The following ZNF483 variants were observed in gnomAD, a reference collection of about 807,000 sequenced individuals.
The protein encoded by ZNF483 is zinc finger protein HIT-10.
A neutral mutation model predicts 28.6 loss-of-function variants in ZNF483; 9 were observed. The observed-to-expected ratio is 0.32, with a 90% CI of 0.19 to 0.55. The LOEUF (loss-of-function observed/expected upper bound fraction) is 0.55, where lower values mean the gene tolerates loss of function less well. Among genes scored for constraint, ZNF483 ranks in the 20% least tolerant of loss-of-function variants. ZNF483 has a pLI of 0.93. For synonymous variants in ZNF483, 322 were observed against 306.2 expected, an observed-to-expected ratio of 1.05 and a Z score of -0.54; for missense variants, 675 against 871.7, an observed-to-expected ratio of 0.77 and a Z score of 2.84.
chr9:111,549,663 G>A lies in ZNF483; in HGVS notation c.*6493G>A. On this transcript the variant is annotated 3_prime_UTR_variant, in exon 6 of 6. Coordinates refer to ENST00000309235, the MANE Select transcript of ZNF483 (RefSeq NM_133464.5). ...GTGGTGGTGGTGGCAGCGGCAGCAG[G>A]GTTCCCCATTGATTTTCTAAATGTT... The A allele has an allele frequency of 2.8e-6, 4 of 1,443,196 alleles. No individual in the cohort carries two copies. Among genetic ancestry groups the A allele is most frequent in the Non-Finnish European group, 3.8e-6 (4 of 1,062,614 alleles). The allele number at this position is 1,443,196 out of a possible 1,614,324, so 89.4% of individuals were successfully genotyped here. A position where few individuals can be genotyped will look rare whatever the true frequency, so the allele number is the denominator to read the frequency against.
At chr9:111,574,474 G>A (rs780843236) in intron 5 of ZNF483, 6 of 197,244 alleles carry the variant, frequency 3.0e-5, no homozygotes, top group Non-Finnish European at 6.1e-5. Flanking sequence ...TCAGCCTCTT[G>A]AGTAGCTGGG....
intron 2 of ZNF483, among the ~76,000 whole-genome samples, chr9:111,530,252 G>C (rs1827287780): frequency 6.6e-6 from 1 of 152,180 alleles, no homozygotes; most frequent in African/African-American, 2.4e-5. Context: ...TTTCCAGATA[G>C]CTAACCACGT....
chr9:111,533,995 C>T (rs1403073148), intron 4 of ZNF483, 130 bp downstream of exon 4: 5 of 1,148,458 alleles, frequency 4.4e-6, no homozygotes, highest in African/African-American at 1.6e-5. Flanking sequence ...AGGACTAATC[C>T]TAAAAACTGG....
chr9:111,539,676 T>A, intron 5 of ZNF483: 1 of 220,524 alleles, frequency 4.5e-6, no homozygotes, highest in Non-Finnish European at 9.3e-6. Flanking sequence ...GGCAGGAGAA[T>A]CGCTTGAACC....
At chr9:111,526,255 G>C (rs1827183853) in intron 1 of ZNF483, among the ~76,000 whole-genome samples, 1 of 152,202 alleles carries the variant, frequency 6.6e-6, no homozygotes, top group South Asian at 2.1e-4. Flanking sequence ...AAGGCTAGGA[G>C]AGTATGTAGA....
At chr9:111,556,595 CACATAGAA>C (rs1414765466), downstream of ZNF483, among the ~76,000 whole-genome samples, 1 of 152,244 alleles carries the variant, frequency 6.6e-6, no homozygotes, top group African/African-American at 2.4e-5. Context: ...AGGCCAACAC[CACATAGAA>C]ACTGCCAAGG....
chr9:111,543,479 G>T lies in ZNF483; in HGVS notation c.*309G>T, dbSNP rs1334042619. 9.4e-7 allele frequency: 1 copy of T among 1,059,838 alleles called. No homozygotes were observed. Among genetic ancestry groups the T allele is most frequent in the Non-Finnish European group, 1.1e-6 (1 of 878,364 alleles). The allele number at this position is 1,059,838 out of a possible 1,614,324, so 65.7% of individuals were successfully genotyped here. Reference sequence around the variant, plus strand: ...CTACTACCATGTAGTGTGATGGAGAGAACTTGACTGCAGTCACATAACTTG... The same window carrying T: ...CTACTACCATGTAGTGTGATGGAGATAACTTGACTGCAGTCACATAACTTG... On this transcript the variant is annotated 3_prime_UTR_variant, in exon 6 of 6. Transcript: ENST00000309235.
chr9:111,558,212 C>T (rs1828180696), downstream of ZNF483, among the ~76,000 whole-genome samples: 1 of 152,212 alleles, frequency 6.6e-6, no homozygotes, highest in Non-Finnish European at 1.5e-5. Flanking sequence ...GTATTTGTCT[C>T]AGTACGGACT....
At chr9:111,566,637 T>C (rs1462142086) in intron 5 of ZNF483, among the ~76,000 whole-genome samples, 1 of 152,214 alleles carries the variant, frequency 6.6e-6, no homozygotes, top group African/African-American at 2.4e-5. Context: ...ACTTGGGACC[T>C]GGAAGAGCTG....
Position 111,543,946 on chromosome 9 carries a change from TG to T in ZNF483, c.*777del. ...CTAGGATGCTGGACTTCTAGCTTAG[TG>T]AGAATGCAGTATACTTTTTGAAAAC... On this transcript the variant is annotated 3_prime_UTR_variant, in exon 6 of 6. Transcript: ENST00000309235. The T allele has an allele frequency of 1.0e-6, 1 of 985,368 alleles. No homozygotes were observed. The highest frequency in any genetic ancestry group is 1.2e-6 in the Non-Finnish European group (1 of 829,934). 61.0% of individuals were successfully genotyped at this position (985,368 alleles called of 1,614,324 possible). A position where few individuals can be genotyped will look rare whatever the true frequency, so the allele number is the denominator to read the frequency against.
intron 5 of ZNF483, chr9:111,574,887 G>C (rs754717985): frequency 7.2e-7 from 1 of 1,386,672 alleles, no homozygotes; most frequent in South Asian, 1.2e-5. Context: ...CTAAATACTA[G>C]AGATTCAGGA....
At position 111,536,667 on chromosome 9, in the gene ZNF483, T is replaced by C. The variant is rs575264256; in HGVS notation, c.721+2314T>C. Among the ~76,000 whole-genome samples the C allele has an allele frequency of 1.5e-4, 23 of 152,262 alleles. No homozygotes were observed. The East Asian group carries it at 3.5e-3, about 23-fold the overall frequency. ...CTTATTGGCTGTTTCCAGTATACAA[T>C]TGACCCTTGAACAACAGGATTAGGG... is the stretch of plus-strand genomic sequence containing the variant. On this transcript the variant is annotated intron_variant, in intron 5 of 5. Transcript: ENST00000309235.
rs1827855033 is a variant in ZNF483, at chr9:111,548,491, A to T, written c.*5321A>T. On this transcript the variant is annotated 3_prime_UTR_variant, in exon 6 of 6. Coordinates refer to ENST00000309235, the MANE Select transcript of ZNF483 (RefSeq NM_133464.5). ...TGCAACTTTGCTGAATTTGTTTATT[A>T]GTCATAATAGTTTCTTGTGAAATTT... Among the ~76,000 whole-genome samples the T allele has an allele frequency of 6.6e-6, 1 of 152,184 alleles. No homozygotes were observed. The highest frequency in any genetic ancestry group is 2.4e-5 in the African/African-American group (1 of 41,444).
At position 111,576,564 on chromosome 9, in the gene ZNF483, T is replaced by C. The variant is rs1057421379; in HGVS notation, c.*150T>C. The C allele has an allele frequency of 2.2e-5, 20 of 904,860 alleles. No homozygotes were observed. The Admixed American group carries it at 5.3e-4, about 24-fold the overall frequency. 56.1% of individuals were successfully genotyped at this position (904,860 alleles called of 1,614,324 possible). A position where few individuals can be genotyped will look rare whatever the true frequency, so the allele number is the denominator to read the frequency against. On this transcript the variant is annotated 3_prime_UTR_variant, in exon 6 of 6. Coordinates refer to the ZNF483 transcript ENST00000358151. Reference sequence around the variant, plus strand: ...GGGGTATTAGCTAGTGGAGTGGCCATAGGCAAGTTACTTAACACTTCTGAA... The same window carrying C: ...GGGGTATTAGCTAGTGGAGTGGCCACAGGCAAGTTACTTAACACTTCTGAA...
At position 111,542,377 on chromosome 9, in the gene ZNF483, C is replaced by G. The variant is rs149958964; in HGVS notation, c.1442C>G (p.Ser481Trp). 1.2e-6 allele frequency: 2 copies of G among 1,613,940 alleles called. No individual in the cohort carries two copies. Among genetic ancestry groups the G allele is most frequent in the Non-Finnish European group, 1.7e-6 (2 of 1,179,996 alleles). The change falls in exon 6 of 6, where the codon TCG becomes TGG. Residue 481 changes from serine (S) to tryptophan (W), a missense_variant. Ser to Trp is a radical substitution (Grantham distance 177). Coordinates refer to ENST00000309235, the MANE Select transcript of ZNF483 (RefSeq NM_133464.5). This position sits in a 1 kb window ranked among gnomAD's most constrained non-coding sequence, Gnocchi z 6.2. ...GGAAAAGCTTTTAGTGATAGTTCAT[C>G]GCTCACACCACATCATAGAACTCAT... The part of the protein sequence containing the change: ...ECGKAFSDSS[S>W]LTPHHRTHSG...
At chr9:111,529,344 C>T (rs532345064) in intron 2 of ZNF483, among the ~76,000 whole-genome samples, 3 of 152,138 alleles carry the variant, frequency 2.0e-5, no homozygotes, top group South Asian at 4.2e-4. Context: ...TGTTGACATC[C>T]GAGGGTTTTT....
Position 111,576,409 on chromosome 9 carries a change from GA to G in ZNF483, c.768del (p.Glu256AspfsTer16). ...AAAGATGCAGATGTTCTCTGAGGCT[GA>G]ATAAGACCATGCTCTGCCTTCTTGT... On this transcript the variant is annotated frameshift_variant, in exon 6 of 6. Coordinates refer to the ZNF483 transcript ENST00000358151. LOFTEE classifies it high-confidence loss of function. 1 of 1,614,124 alleles carries G rather than the reference GA, an allele frequency of 6.2e-7. No homozygotes were observed.
rs1240556208 is a variant in ZNF483, at chr9:111,543,031, C to G, written c.2096C>G (p.Thr699Ser). 3.1e-6 allele frequency: 5 copies of G among 1,614,124 alleles called. No individual in the cohort carries two copies. Among genetic ancestry groups the G allele is most frequent in the Non-Finnish European group, 4.2e-6 (5 of 1,180,014 alleles). The change falls in exon 6 of 6, where the codon ACC becomes AGC. Residue 699 changes from threonine (T) to serine (S), a missense_variant. Thr to Ser is a moderately conservative substitution (Grantham distance 58). This residue lies in a region of ZNF483 where 55 missense variants were observed against 72.4 expected (regional missense o/e 0.76). Coordinates refer to ENST00000309235, the MANE Select transcript of ZNF483 (RefSeq NM_133464.5). The stretch of plus-strand genomic sequence containing the variant: ...TATGAGTGTAACTATTGTGGTGCAA[C>G]CTTTAGTCGAAGCTCAATCCTTGTA... ...KPYECNYCGA[T>S]FSRSSILVEH...
downstream of ZNF483, among the ~76,000 whole-genome samples, chr9:111,560,071 T>A (rs910461486): frequency 2.0e-5 from 3 of 149,980 alleles, no homozygotes; most frequent in African/African-American, 7.4e-5. Context: ...CATGGTGGCT[T>A]ATGCCTCCCA....
Sources: gnomAD v4.1 joint callset for allele counts (sites outside exome capture counted in the v4.1 genomes callset) on GRCh38, gnomAD v4.1.1 for gene constraint, gnomAD v4.1.1 regional missense constraint, Gnocchi (gnomAD v3.1) non-coding constraint, MANE v1.5 for transcripts, NCBI Gene and HGNC (gene_info 2026-07-23, HGNC 2026-07-21) for gene names.